The following RPS6KC1 variants were observed in gnomAD, a reference collection of about 807,000 sequenced individuals.
RPS6KC1 encodes the protein ribosomal protein S6 kinase C1, also known as inactive ribosomal protein S6 kinase delta-1.
A neutral mutation model predicts 103.8 loss-of-function variants in RPS6KC1; 54 were observed. The observed-to-expected ratio is 0.52, with a 90% CI of 0.42 to 0.65. The LOEUF (loss-of-function observed/expected upper bound fraction) is 0.65. Ranked by LOEUF, RPS6KC1 falls within the 30% of genes least tolerant of loss-of-function variation. The pLI, the probability that RPS6KC1 is intolerant of heterozygous loss-of-function variation, is 0.00. For missense variants in RPS6KC1, 1,151 were observed against 1,253.8 expected, an observed-to-expected ratio of 0.92 and a Z score of 1.24; for synonymous variants, 439 against 438.7, an observed-to-expected ratio of 1.00 and a Z score of -0.01.
chr1:213,834,035 T>C, the RPS6KC1 span, among the ~76,000 whole-genome samples: 1 of 152,126 alleles, frequency 6.6e-6, no homozygotes, highest in Non-Finnish European at 1.5e-5. Flanking sequence ...AATGGTCTAT[T>C]ATGTTCTTTT....
chr1:213,433,836 A>G, the RPS6KC1 span, among the ~76,000 whole-genome samples: 1 of 152,214 alleles, frequency 6.6e-6, no homozygotes. Flanking sequence ...TTAAGAAAAT[A>G]TTATGGACTT....
At chr1:213,221,569 A>T (rs2093833021) in intron 8 of RPS6KC1, among the ~76,000 whole-genome samples, 2 of 152,250 alleles carry the variant, frequency 1.3e-5, no homozygotes, top group South Asian at 4.1e-4. Context: ...TGCATATGAA[A>T]GAACTTTCAC....
intron 5 of RPS6KC1, among the ~76,000 whole-genome samples, chr1:213,126,883 T>C (rs746337462): frequency 6.6e-6 from 1 of 152,164 alleles, no homozygotes; most frequent in African/African-American, 2.4e-5. Flanking sequence ...AAATATTTAC[T>C]TTCTGGCCCT....
At chr1:213,261,458 C>A in intron 12 of RPS6KC1, 100 bp from the exon 13 acceptor site, 3 of 1,021,854 alleles carry the variant, frequency 2.9e-6, no homozygotes, top group Admixed American at 1.8e-5. Flanking sequence ...TTAGTATATG[C>A]TCTCTCAGCA....
the RPS6KC1 span, among the ~76,000 whole-genome samples, chr1:213,423,159 G>T: frequency 6.6e-6 from 1 of 152,222 alleles, no homozygotes; most frequent in African/African-American, 2.4e-5. Context: ...CGAATGTCAT[G>T]TGGCTGAATG....
chr1:213,268,837 C>A (rs2094973615), intron 14 of RPS6KC1, among the ~76,000 whole-genome samples: 1 of 150,278 alleles, frequency 6.7e-6, no homozygotes. Context: ...ATACAGCAAC[C>A]ACTTAAAAAA....
At chr1:213,798,734 G>A in the RPS6KC1 span, among the ~76,000 whole-genome samples, 1 of 152,202 alleles carries the variant, frequency 6.6e-6, no homozygotes, top group Non-Finnish European at 1.5e-5. Context: ...CAGTTCTGCA[G>A]AAAGAGGGCA....
At chr1:213,329,176 T>C in the RPS6KC1 span, among the ~76,000 whole-genome samples, 2 of 152,160 alleles carry the variant, frequency 1.3e-5, no homozygotes, top group African/African-American at 4.8e-5. Context: ...TGGGGCTTAT[T>C]ATTTTTCTCA....
the RPS6KC1 span, among the ~76,000 whole-genome samples, chr1:213,494,518 A>G: frequency 1.3e-5 from 2 of 152,112 alleles, no homozygotes; most frequent in Non-Finnish European, 2.9e-5. Context: ...ACTAAGTGGT[A>G]CATTAGAAAG....
At chr1:213,250,428 A>T (rs1391943533) in intron 12 of RPS6KC1, among the ~76,000 whole-genome samples, 1 of 152,244 alleles carries the variant, frequency 6.6e-6, no homozygotes, top group African/African-American at 2.4e-5. Flanking sequence ...GGAGGACTTT[A>T]TGGAATATAG....
the RPS6KC1 span, among the ~76,000 whole-genome samples, chr1:213,536,399 C>G: frequency 6.6e-6 from 1 of 152,124 alleles, no homozygotes; most frequent in Non-Finnish European, 1.5e-5. Context: ...ATGCATTGGG[C>G]AGACAATCAG....
intron 6 of RPS6KC1, among the ~76,000 whole-genome samples, chr1:213,133,977 A>G (rs754643014): frequency 2.0e-5 from 3 of 152,020 alleles, no homozygotes; most frequent in Non-Finnish European, 2.9e-5. Context: ...TTTTCCTTCT[A>G]TCCATTTGTT....
At chr1:213,317,636 A>G in the RPS6KC1 span, among the ~76,000 whole-genome samples, 1 of 152,240 alleles carries the variant, frequency 6.6e-6, no homozygotes, top group Non-Finnish European at 1.5e-5. Flanking sequence ...AGCCTATAGC[A>G]GGTAGGAAGT....
chr1:213,612,259 C>T, the RPS6KC1 span, among the ~76,000 whole-genome samples: 4 of 152,266 alleles, frequency 2.6e-5, no homozygotes, highest in African/African-American at 7.2e-5. Flanking sequence ...ACCACTTGTG[C>T]TACATAATCT....
chr1:213,400,705 T>TTC, the RPS6KC1 span, among the ~76,000 whole-genome samples: 1 of 151,734 alleles, frequency 6.6e-6, no homozygotes, highest in African/African-American at 2.4e-5. Context: ...CCTTTTTTCT[T>TTC]TCTCTCTTTT....
the RPS6KC1 span, among the ~76,000 whole-genome samples, chr1:213,753,221 G>A: frequency 6.6e-6 from 1 of 152,164 alleles, no homozygotes; most frequent in Non-Finnish European, 1.5e-5. Flanking sequence ...TGGGGACATA[G>A]GCTATTTTAG....
intron 8 of RPS6KC1, among the ~76,000 whole-genome samples, chr1:213,183,378 C>T (rs1419004798): frequency 2.6e-5 from 4 of 152,066 alleles, no homozygotes; most frequent in Admixed American, 6.6e-5. Flanking sequence ...TTGCAGTGCC[C>T]ATGGAACAGA....
chr1:213,808,260 G>C, the RPS6KC1 span, among the ~76,000 whole-genome samples: 16 of 152,192 alleles, frequency 1.1e-4, no homozygotes, highest in African/African-American at 3.6e-4. Context: ...CAGTCTGCCC[G>C]TTCTCAGATC....
intron 8 of RPS6KC1, among the ~76,000 whole-genome samples, chr1:213,208,559 A>G (rs967817523): frequency 2.0e-5 from 3 of 152,194 alleles, no homozygotes; most frequent in South Asian, 2.1e-4. Context: ...AGATCAAACA[A>G]ATATCAGTAT....
Sources: gnomAD v4.1 joint callset for allele counts (sites outside exome capture counted in the v4.1 genomes callset) on GRCh38, gnomAD v4.1.1 for gene constraint, MANE v1.5 for transcripts, NCBI Gene and HGNC (gene_info 2026-07-23, HGNC 2026-07-21) for gene names.